The following ZCCHC7 variants were observed in gnomAD, a reference collection of about 807,000 sequenced individuals.
The protein encoded by ZCCHC7 is zinc finger CCHC-type containing 7.
ZCCHC7 carries 35 observed loss-of-function variants against 52.0 expected under a neutral mutation model. The observed-to-expected ratio is 0.67, with a 90% confidence interval of 0.51 to 0.89. The LOEUF is 0.89. ZCCHC7 is among the 40% of genes least tolerant of loss of function. The pLI, the probability that ZCCHC7 is intolerant of heterozygous loss-of-function variation, is 0.00. For synonymous variants in ZCCHC7, 217 were observed against 221.5 expected, an observed-to-expected ratio of 0.98 and a Z score of 0.18; for missense variants, 574 against 649.1, an observed-to-expected ratio of 0.88 and a Z score of 1.26.
At chr9:37,296,943 G>A (rs1828817665) in intron 2 of ZCCHC7, among the ~76,000 whole-genome samples, 1 of 144,806 alleles carries the variant, frequency 6.9e-6, no homozygotes, top group Non-Finnish European at 1.5e-5. Context: ...TAGAGATGAG[G>A]TCTCACTATG....
At position 37,283,222 on chromosome 9, in the gene ZCCHC7, T is replaced by C. The variant is rs914525341; in HGVS notation, c.611-18966T>C. On this transcript the variant is annotated intron_variant, in intron 2 of 8. Transcript: ENST00000336755. The stretch of plus-strand genomic sequence containing the variant: ...TCTCTTTCATGGAGTTCAGACATAA[T>C]TTGGGAGAAATAAAGATAGGTAGTC... Among the ~76,000 whole-genome samples, 6 of 152,162 alleles carry C rather than the reference T, an allele frequency of 3.9e-5. No homozygotes were observed. The East Asian group carries it at 7.7e-4, about 20-fold the overall frequency.
At chr9:37,205,557 C>G (rs1300361273) in intron 2 of ZCCHC7, among the ~76,000 whole-genome samples, 3 of 152,232 alleles carry the variant, frequency 2.0e-5, no homozygotes, top group Non-Finnish European at 4.4e-5. Flanking sequence ...CGCTCAGTCG[C>G]CCAGGTTGCA....
At chr9:37,159,728 C>T (rs1402984202) in intron 2 of ZCCHC7, among the ~76,000 whole-genome samples, 1 of 152,176 alleles carries the variant, frequency 6.6e-6, no homozygotes, top group African/African-American at 2.4e-5. Flanking sequence ...ATATTTTCAG[C>T]TTTCTAGAAT....
At chr9:37,221,929 TAAAAGATTCA>T (rs1824834587) in intron 2 of ZCCHC7, among the ~76,000 whole-genome samples, 2 of 151,994 alleles carry the variant, frequency 1.3e-5, no homozygotes, top group African/African-American at 4.8e-5. Context: ...CTAGGTTCTA[TAAAAGATTCA>T]TAAAGATTCA....
chr9:37,342,876 C>T (rs1266739565), intron 6 of ZCCHC7, among the ~76,000 whole-genome samples: 2 of 152,170 alleles, frequency 1.3e-5, no homozygotes, highest in Non-Finnish European at 2.9e-5. Flanking sequence ...AGAACATAAT[C>T]CCAAAATGCA....
chr9:37,290,519 G>A (rs1828483999), intron 2 of ZCCHC7, among the ~76,000 whole-genome samples: 1 of 152,100 alleles, frequency 6.6e-6, no homozygotes, highest in African/African-American at 2.4e-5. Context: ...AGCCAAGTGT[G>A]GTGGCATGTC....
chr9:37,151,125 C>A (rs540287926), intron 2 of ZCCHC7, among the ~76,000 whole-genome samples: 2 of 151,848 alleles, frequency 1.3e-5, no homozygotes, highest in African/African-American at 4.8e-5. Flanking sequence ...CCACCACGCC[C>A]GGCTAATTTT....
intron 2 of ZCCHC7, among the ~76,000 whole-genome samples, chr9:37,158,095 A>G (rs1412945546): frequency 6.6e-6 from 1 of 152,212 alleles, no homozygotes; most frequent in Non-Finnish European, 1.5e-5. Context: ...GCCACTCTTG[A>G]TTATTTAATA....
At position 37,315,609 on chromosome 9, in the gene ZCCHC7, G is replaced by C. The variant is rs144623977; in HGVS notation, c.951+9895G>C. 7.6e-3 allele frequency among the ~76,000 whole-genome samples: 1,158 copies of C among 151,634 alleles called. 47 individuals carry two copies. Among genetic ancestry groups the C allele is most frequent in the Admixed American group, 0.068 (1,030 of 15,254 alleles). ...ACATCCTAAGAACACTAATCATTAC[G>C]GTGAGGTAGTTTCAGATATAAAGGA... is the stretch of plus-strand genomic sequence containing the variant. On this transcript the variant is annotated intron_variant, in intron 5 of 8. Coordinates refer to ENST00000336755, the MANE Select transcript of ZCCHC7 (RefSeq NM_032226.3).
At chr9:37,184,556 A>G (rs1822547779) in intron 2 of ZCCHC7, among the ~76,000 whole-genome samples, 1 of 152,068 alleles carries the variant, frequency 6.6e-6, no homozygotes, top group Non-Finnish European at 1.5e-5. Flanking sequence ...TCTCTTTTGT[A>G]CTTGGTATCA....
intron 5 of ZCCHC7, among the ~76,000 whole-genome samples, chr9:37,312,831 C>T (rs1829655043): frequency 6.6e-6 from 1 of 152,166 alleles, no homozygotes; most frequent in African/African-American, 2.4e-5. Context: ...GCTAATTTCC[C>T]TGCTCAACTT....
intron 2 of ZCCHC7, among the ~76,000 whole-genome samples, chr9:37,285,351 A>C (rs1027820968): frequency 2.9e-4 from 44 of 152,198 alleles, no homozygotes; most frequent in African/African-American, 1.1e-3. Context: ...GTTTCTTTAT[A>C]AACTGCCTCT....
intron 2 of ZCCHC7, among the ~76,000 whole-genome samples, chr9:37,260,936 C>A (rs1476160273): frequency 6.6e-6 from 1 of 152,122 alleles, no homozygotes; most frequent in Admixed American, 6.5e-5. Flanking sequence ...CTATATCTTT[C>A]TTTTAATTAC....
intron 5 of ZCCHC7, among the ~76,000 whole-genome samples, chr9:37,315,959 G>C (rs915492581): frequency 6.8e-6 from 1 of 147,948 alleles, no homozygotes; most frequent in African/African-American, 2.5e-5. Context: ...AAAAGTAAAA[G>C]TTTAGAATAA....
At chr9:37,339,941 T>C (rs182835186) in intron 6 of ZCCHC7, among the ~76,000 whole-genome samples, 1 of 152,166 alleles carries the variant, frequency 6.6e-6, no homozygotes, top group East Asian at 1.9e-4. Flanking sequence ...GCCCAGCAGG[T>C]TCATTTGCAT....
At chr9:37,336,039 C>T (rs937302352) in intron 6 of ZCCHC7, among the ~76,000 whole-genome samples, 11 of 151,992 alleles carry the variant, frequency 7.2e-5, no homozygotes, top group Non-Finnish European at 1.0e-4. Context: ...TAAACATACC[C>T]CAATTAGAAT....
chr9:37,231,008 G>T (rs540005525), intron 2 of ZCCHC7, among the ~76,000 whole-genome samples: 1 of 151,984 alleles, frequency 6.6e-6, no homozygotes, highest in South Asian at 2.1e-4. Context: ...GATCTCTCTC[G>T]GCTCACTGCA....
intron 5 of ZCCHC7, among the ~76,000 whole-genome samples, chr9:37,319,041 T>C (rs1271733861): frequency 1.3e-5 from 2 of 152,226 alleles, no homozygotes; most frequent in African/African-American, 2.4e-5. Context: ...TTATTTCTAT[T>C]GATCTTTATT....
rs1016784044 is a variant in ZCCHC7, at chr9:37,251,302, T to C, written c.611-50886T>C. On this transcript the variant is annotated intron_variant, in intron 2 of 8. Coordinates refer to ENST00000336755, the MANE Select transcript of ZCCHC7 (RefSeq NM_032226.3). The stretch of plus-strand genomic sequence containing the variant: ...CAAATATCTGGCTTTTTTGTCAATG[T>C]CATGGTCTTATGTCAAGATCTTGAA... Among the ~76,000 whole-genome samples the C allele has an allele frequency of 2.6e-5, 4 of 152,366 alleles. No homozygotes were observed. In the South Asian group the frequency reaches 8.3e-4, roughly 32 times the overall value.
Sources: allele counts gnomAD v4.1 joint callset (sites outside exome capture counted in the v4.1 genomes callset), GRCh38; gene constraint gnomAD v4.1.1; transcripts MANE v1.5; gene names NCBI Gene and HGNC (gene_info 2026-07-23, HGNC 2026-07-21).